The following ITGB5 variants were observed in gnomAD, a reference collection of about 807,000 sequenced individuals.
ITGB5 encodes the protein integrin subunit beta 5.
In ITGB5, 38 loss-of-function variants were observed where a neutral mutation model predicts 84.8. The observed-to-expected ratio is 0.45, with a 90% CI of 0.35 to 0.59. The LOEUF is 0.59. Ranked by LOEUF, ITGB5 falls within the 20% of genes least tolerant of loss-of-function variation. The pLI is 0.01. For missense variants in ITGB5, 905 were observed against 1,034.5 expected, an observed-to-expected ratio of 0.87 and a Z score of 1.72; for synonymous variants, 393 against 414.4, an observed-to-expected ratio of 0.95 and a Z score of 0.63.
chr3:124,891,796 C>T (rs1313250363), upstream of ITGB5, among the ~76,000 whole-genome samples: 1 of 151,792 alleles, frequency 6.6e-6, no homozygotes, highest in Non-Finnish European at 1.5e-5. Flanking sequence ...TGGTGGCATG[C>T]CTGTAGTCCC....
chr3:124,885,238 C>T (rs1163876104), intron 1 of ITGB5, among the ~76,000 whole-genome samples: 1 of 152,018 alleles, frequency 6.6e-6, no homozygotes, highest in African/African-American at 2.4e-5. Context: ...CCACTGCACT[C>T]CAGCCTGGGC....
At chr3:124,808,423 T>C (rs1483963320) in intron 9 of ITGB5, among the ~76,000 whole-genome samples, 1 of 152,212 alleles carries the variant, frequency 6.6e-6, no homozygotes, top group Non-Finnish European at 1.5e-5. Flanking sequence ...TCTGTGTCTG[T>C]GTTCTTGTTG....
chr3:124,801,843 C>G (rs1426843261), intron 9 of ITGB5, among the ~76,000 whole-genome samples: 1 of 152,258 alleles, frequency 6.6e-6, no homozygotes, highest in Non-Finnish European at 1.5e-5. Flanking sequence ...ACTCTCCCCT[C>G]CCTCCCCAGC....
Position 124,762,028 on chromosome 3 carries a change from C to T in ITGB5, c.*1595G>A, listed in dbSNP as rs2063704993. On this transcript the variant is annotated 3_prime_UTR_variant, in exon 15 of 15. Coordinates refer to ENST00000296181, the MANE Select transcript of ITGB5 (RefSeq NM_002213.5). ...TTTATCTGTTTAATGTTTTCATTTA[C>T]ATTTGGCTTTATCCCAAAAAGGGTT... 1 of 152,146 alleles carries T rather than the reference C, an allele frequency of 6.6e-6. No homozygotes were observed. The highest frequency in any genetic ancestry group is 6.5e-5 in the Admixed American group (1 of 15,274). 9.4% of individuals were successfully genotyped at this position (152,146 alleles called of 1,614,324 possible). A position where few individuals can be genotyped will look rare whatever the true frequency, so the allele number is the denominator to read the frequency against.
intron 10 of ITGB5, among the ~76,000 whole-genome samples, chr3:124,795,584 G>A (rs1020321213): frequency 3.9e-5 from 6 of 152,152 alleles, no homozygotes; most frequent in Admixed American, 2.0e-4. Flanking sequence ...GTGGCCTTAC[G>A]TGGTGAAAGG....
In ITGB5 at chr3:124,763,602, AG is replaced by A. The variant is rs766026452; in HGVS notation, c.*20del. The A allele has an allele frequency of 1.4e-6, 2 of 1,462,866 alleles. No homozygotes were observed. Among genetic ancestry groups the A allele is most frequent in the South Asian group, 2.3e-5 (2 of 87,760 alleles). The allele number at this position is 1,462,866 out of a possible 1,614,324, so 90.6% of individuals were successfully genotyped here. Reference sequence around the variant, plus strand: ...GACCTTTTCATCAGATCCCCGCTCCAGCCCCTCGGAGAAGGAAACATCAGTC... The same window carrying A: ...GACCTTTTCATCAGATCCCCGCTCCACCCCTCGGAGAAGGAAACATCAGTC... On this transcript the variant is annotated 3_prime_UTR_variant, in exon 15 of 15. Transcript: ENST00000296181.
intron 1 of ITGB5, among the ~76,000 whole-genome samples, chr3:124,900,912 G>A (rs952355197): frequency 3.3e-5 from 5 of 152,196 alleles, no homozygotes; most frequent in African/African-American, 9.6e-5. Context: ...CATTGCTTAT[G>A]GTTATGTATT....
chr3:124,895,032 A>C (rs941907177), intron 1 of ITGB5, among the ~76,000 whole-genome samples: 1 of 152,086 alleles, frequency 6.6e-6, no homozygotes, highest in African/African-American at 2.4e-5. Context: ...CACAGGCCAC[A>C]GGTTGAACAA....
At chr3:124,798,342 C>T (rs60427456) in intron 9 of ITGB5, among the ~76,000 whole-genome samples, 2,915 of 152,090 alleles carry the variant, frequency 0.019, 81 homozygotes, top group African/African-American at 0.067. Context: ...TGAGCTACTG[C>T]GCCCAGTCAT....
chr3:124,835,486 T>C (rs2064922038), intron 5 of ITGB5, among the ~76,000 whole-genome samples: 3 of 152,252 alleles, frequency 2.0e-5, no homozygotes, highest in African/African-American at 7.2e-5. Context: ...AATACTTTAA[T>C]GGTGCTTCCC....
chr3:124,857,547 C>G (rs887509921), intron 3 of ITGB5, among the ~76,000 whole-genome samples: 17 of 152,284 alleles, frequency 1.1e-4, no homozygotes, highest in African/African-American at 4.1e-4. Context: ...TCTAAATAAA[C>G]CATCTACAAA....
intron 1 of ITGB5, among the ~76,000 whole-genome samples, chr3:124,880,151 A>G (rs1224656288): frequency 3.3e-5 from 5 of 152,228 alleles, no homozygotes; most frequent in African/African-American, 9.6e-5. Context: ...GTCATAAAAA[A>G]CAAGGAAAAG....
At chr3:124,850,920 A>G (rs1306894608) in intron 3 of ITGB5, among the ~76,000 whole-genome samples, 2 of 152,180 alleles carry the variant, frequency 1.3e-5, no homozygotes, top group Non-Finnish European at 2.9e-5. Context: ...TGGCCCTTGC[A>G]TGGGCAGACA....
At position 124,859,422 on chromosome 3, in the gene ITGB5, T is replaced by C. The variant is rs1030648433; in HGVS notation, c.181A>G (p.Thr61Ala). The C allele has an allele frequency of 1.2e-6, 2 of 1,611,338 alleles. No homozygotes were observed. Among genetic ancestry groups the C allele is most frequent in the Non-Finnish European group, 1.7e-6 (2 of 1,179,204 alleles). Residue 61 changes from threonine to alanine, a missense_variant, in exon 3 of 15, where the codon ACC becomes GCC. Around this residue, in one of 3 missense-constraint regions of ITGB5, gnomAD observed 656 missense variants for 734.7 expected, o/e 0.89. Coordinates refer to ENST00000296181, the MANE Select transcript of ITGB5 (RefSeq NM_002213.5). ...TTTGCCCTCAGATCACACCGAGAGG[T>C]GATGGACCGTGGGCTTCCGAAGTCC... is the stretch of plus-strand genomic sequence containing the variant. ...KEDFGSPRSI[T>A]SRCDLRANLV...
At chr3:124,785,818 C>T (rs765512077) in intron 10 of ITGB5, among the ~76,000 whole-genome samples, 8 of 152,176 alleles carry the variant, frequency 5.3e-5, no homozygotes, top group South Asian at 4.1e-4. Flanking sequence ...CTTAGGAAAA[C>T]GGGCTAAATA....
At chr3:124,818,334 T>C (rs1292103823) in intron 7 of ITGB5, among the ~76,000 whole-genome samples, 1 of 152,118 alleles carries the variant, frequency 6.6e-6, no homozygotes, top group African/African-American at 2.4e-5. Flanking sequence ...ACCCTCTGCC[T>C]GCCTTGGGAC....
intron 6 of ITGB5, among the ~76,000 whole-genome samples, chr3:124,820,097 T>C (rs2064677324): frequency 6.6e-6 from 1 of 151,968 alleles, no homozygotes; most frequent in Admixed American, 6.6e-5. Context: ...AGGTGATGAG[T>C]GGAGGTTTTC....
upstream of ITGB5, among the ~76,000 whole-genome samples, chr3:124,888,309 T>C (rs1032036036): frequency 4.6e-5 from 7 of 152,212 alleles, no homozygotes; most frequent in Non-Finnish European, 7.3e-5. Context: ...AATCTGTCAG[T>C]TTCCATGATC....
At chr3:124,774,953 C>G (rs1188495431) in intron 10 of ITGB5, among the ~76,000 whole-genome samples, 1 of 152,208 alleles carries the variant, frequency 6.6e-6, no homozygotes, top group Non-Finnish European at 1.5e-5. Context: ...GGTTGATGGT[C>G]ACACAGCTAG....
Sources: allele counts gnomAD v4.1 joint callset (sites outside exome capture counted in the v4.1 genomes callset), GRCh38; gene constraint gnomAD v4.1.1; regional missense constraint gnomAD v4.1.1; transcripts MANE v1.5; gene names NCBI Gene and HGNC (gene_info 2026-07-23, HGNC 2026-07-21).